The following ITGA3 variants were observed in gnomAD, a reference collection of about 807,000 sequenced individuals.
The protein encoded by ITGA3 is integrin alpha-3.
A neutral mutation model predicts 131.1 loss-of-function variants in ITGA3; 70 were observed. The ratio of observed to expected loss-of-function variants is 0.53; its 90% CI spans 0.44 to 0.65. The LOEUF (loss-of-function observed/expected upper bound fraction) is 0.65, where lower values mean the gene tolerates loss of function less well. Ranked by LOEUF, ITGA3 falls within the 30% of genes least tolerant of loss-of-function variation. The pLI, the probability that ITGA3 is intolerant of heterozygous loss-of-function variation, is 0.00. For missense variants in ITGA3, 1,098 were observed against 1,388.6 expected (o/e 0.79, Z 3.33); for synonymous variants, 537 against 571.6 (o/e 0.94, Z 0.86).
intron 3 of ITGA3, chr17:50,065,384 A>G (rs1908290920): frequency 6.6e-6 from 1 of 152,242 alleles, no homozygotes; most frequent in African/African-American, 2.4e-5. Flanking sequence ...TTCAAGTTCT[A>G]TAGTCCCAGT....
intron 21 of ITGA3, 101 bp downstream of exon 21, chr17:50,079,658 G>A (rs1396908556): frequency 7.0e-6 from 9 of 1,289,858 alleles, no homozygotes; most frequent in African/African-American, 1.5e-5. Context: ...AGTGTGATGA[G>A]GTGATGAGGC....
At chr17:50,068,420 G>C (rs9906470) in intron 4 of ITGA3, 115 bp downstream of exon 4, 2 of 1,139,300 alleles carry the variant, frequency 1.8e-6, no homozygotes, top group African/African-American at 1.5e-5. Flanking sequence ...CCTCATGCCA[G>C]TATCAGCAAC....
At chr17:50,068,023 G>T in intron 3 of ITGA3, 33 bp from the exon 4 acceptor site, 1 of 1,612,488 alleles carries the variant, frequency 6.2e-7, no homozygotes, top group South Asian at 1.1e-5. Flanking sequence ...CCCTGTGCCT[G>T]ACTAAGGCTG....
intron 23 of ITGA3, chr17:50,086,904 T>G (rs1282860436): frequency 6.6e-6 from 1 of 150,870 alleles, no homozygotes; most frequent in African/African-American, 2.4e-5. Flanking sequence ...AATACAAAAT[T>G]AGCCAGGCGT....
rs187586850 is a variant in ITGA3, at chr17:50,088,349, C to A, written c.*14C>A. 1.9e-6 allele frequency: 3 copies of A among 1,552,220 alleles called. No individual in the cohort carries two copies. Among genetic ancestry groups the A allele is most frequent in the African/African-American group, 1.4e-5 (1 of 73,494 alleles). On this transcript the variant is annotated 3_prime_UTR_variant, in exon 25 of 26. Transcript: ENST00000320031. ...GACGACTACTGAGGGGGCAGCCCCCCGCCCCCGGCCCACCTGGGTAACACG... is the reference window on the plus strand; with the variant it reads ...GACGACTACTGAGGGGGCAGCCCCCAGCCCCCGGCCCACCTGGGTAACACG...
intron 12 of ITGA3, 136 bp from the exon 13 acceptor site, chr17:50,076,190 A>C: frequency 1.1e-6 from 1 of 881,654 alleles, no homozygotes; most frequent in Non-Finnish European, 1.7e-6. Flanking sequence ...ACCGGACTGG[A>C]GGGAGTTCAG....
intron 23 of ITGA3, among the ~76,000 whole-genome samples, chr17:50,084,628 A>C (rs1317483994): frequency 1.3e-5 from 2 of 152,084 alleles, no homozygotes; most frequent in African/African-American, 2.4e-5. Context: ...TGAAAAAAAA[A>C]CAGGTTGCTG....
At chr17:50,069,532 G>A (rs894170923) in intron 4 of ITGA3, among the ~76,000 whole-genome samples, 1 of 152,088 alleles carries the variant, frequency 6.6e-6, no homozygotes, top group Non-Finnish European at 1.5e-5. Context: ...CAGGTGTGGT[G>A]GCACACACCT....
chr17:50,078,496 C>A (rs1475000522), intron 18 of ITGA3, among the ~76,000 whole-genome samples: 1 of 152,156 alleles, frequency 6.6e-6, no homozygotes, highest in African/African-American at 2.4e-5. Context: ...ATGGAGGAAT[C>A]AGCAACCCCG....
chr17:50,067,710 G>C (rs2144271571), intron 3 of ITGA3, among the ~76,000 whole-genome samples: 1 of 152,264 alleles, frequency 6.6e-6, no homozygotes, highest in East Asian at 1.9e-4. Flanking sequence ...GGGTCATCTG[G>C]AGATGGCAGA....
chr17:50,078,276 G>T lies in ITGA3; in HGVS notation c.2289G>T (p.Ser763=), dbSNP rs143126480. 3,380 of 1,613,394 alleles carry T rather than the reference G, an allele frequency of 2.1e-3. 2 individuals are homozygous for T. The highest frequency in any genetic ancestry group is 2.7e-3 in the Non-Finnish European group (3,209 of 1,179,536). The part of the protein sequence containing the change: ...TLLVDYTLQT[S]LSMVNHRLQS... ...TGGTGGACTATACACTCCAGACCTC[G>T]CTTAGCATGTGGGTACCGCTCTCCA... is the stretch of plus-strand genomic sequence containing the variant. Residue 763 remains serine, a synonymous_variant, in exon 18 of 26, where the codon TCG becomes TCT. Coordinates refer to ENST00000320031, the MANE Select transcript of ITGA3 (RefSeq NM_002204.4).
intron 4 of ITGA3, among the ~76,000 whole-genome samples, chr17:50,068,734 T>C (rs921951747): frequency 7.9e-5 from 12 of 152,146 alleles, no homozygotes; most frequent in African/African-American, 2.7e-4. Flanking sequence ...ACTCCTGGGC[T>C]TAAGCAATCC....
chr17:50,077,235 CTGGGCCTTCTTG>C (rs1908958646), intron 15 of ITGA3, 114 bp downstream of exon 15: 2 of 1,313,322 alleles, frequency 1.5e-6, no homozygotes, highest in Non-Finnish European at 2.1e-6. Context: ...CTCCTCTGGT[CTGGGCCTTCTTG>C]GGGGCCTTAG....
intron 1 of ITGA3, among the ~76,000 whole-genome samples, chr17:50,057,138 G>C (rs1907865065): frequency 6.6e-6 from 1 of 152,220 alleles, no homozygotes; most frequent in Admixed American, 6.5e-5. Context: ...CTCAACCGCT[G>C]GCTTGGCGGA....
In ITGA3 at chr17:50,076,604, C is replaced by A; in HGVS notation, c.1845C>A (p.Cys615Ter). The A allele has an allele frequency of 3.1e-6, 5 of 1,613,466 alleles. No individual in the cohort carries two copies. The highest frequency in any genetic ancestry group is 3.4e-6 in the Non-Finnish European group (4 of 1,179,902). Residue 615 changes from cysteine (C) to a stop codon, truncating the protein, a stop_gained, in exon 14 of 26, where the codon TGC (cysteine) becomes TGA (stop). Transcript: ENST00000320031. LOFTEE classifies it high-confidence loss of function. ...NHTEVQFQKE[C>*]GPDNKCESNL... is the part of the protein sequence containing the mutation. The stretch of plus-strand genomic sequence containing the variant: ...CCCAGGTCCAGTTCCAGAAGGAGTG[C>A]GGGCCTGACAACAAGTGTGAGAGCA...
At chr17:50,057,567 G>A (rs1907888117) in intron 1 of ITGA3, among the ~76,000 whole-genome samples, 1 of 152,192 alleles carries the variant, frequency 6.6e-6, no homozygotes, top group Non-Finnish European at 1.5e-5. Context: ...CGTGGCCTCA[G>A]AGCGCGCGGA....
At chr17:50,080,673 A>G (rs1909152106) in intron 22 of ITGA3, among the ~76,000 whole-genome samples, 1 of 151,934 alleles carries the variant, frequency 6.6e-6, no homozygotes, top group Non-Finnish European at 1.5e-5. Context: ...CTCTGCGTGT[A>G]AACCCCTATT....
In ITGA3 at chr17:50,073,959, C is replaced by T. The variant is rs762945257; in HGVS notation, c.1200C>T (p.Tyr400=). 19 of 1,613,994 alleles carry T rather than the reference C, an allele frequency of 1.2e-5. No individual in the cohort carries two copies. Among genetic ancestry groups the T allele is most frequent in the East Asian group, 2.2e-5 (1 of 44,888 alleles). The stretch of plus-strand genomic sequence containing the variant: ...CGTTTGAAGGCTTGGGCAAAGTGTA[C>T]ATCTATCACAGTAGCTCTAAGGGGC... ...GAPFEGLGKV[Y]IYHSSSKGLL... The change falls in exon 8 of 26, where the codon TAC becomes TAT. Residue 400 remains tyrosine (Y), a synonymous_variant. Coordinates refer to ENST00000320031, the MANE Select transcript of ITGA3 (RefSeq NM_002204.4).
intron 7 of ITGA3, 64 bp downstream of exon 7, chr17:50,072,246 T>C: frequency 7.0e-7 from 1 of 1,428,134 alleles, no homozygotes. Context: ...GCACCCCTAC[T>C]GACTGAGCAC....
Sources: allele counts gnomAD v4.1 joint callset (sites outside exome capture counted in the v4.1 genomes callset), GRCh38; gene constraint gnomAD v4.1.1; transcripts MANE v1.5; gene names NCBI Gene and HGNC (gene_info 2026-07-23, HGNC 2026-07-21).